Variants in GFRA2 observed in about 807,000 individuals in gnomAD.
GFRA2 encodes GDNF family receptor alpha-2.
Under a neutral mutation model 48.3 loss-of-function variants are expected in GFRA2, and 17 were observed. The observed-to-expected ratio is 0.35, with a 90% CI of 0.24 to 0.53. The LOEUF (loss-of-function observed/expected upper bound fraction) is 0.53. GFRA2 is among the 20% of genes least tolerant of loss of function. The pLI, the probability that GFRA2 is intolerant of heterozygous loss-of-function variation, is 0.93. For synonymous variants in GFRA2, 305 were observed against 257.2 expected (o/e 1.19, Z -1.78); for missense variants, 660 against 637.3 (o/e 1.04, Z -0.38).
upstream of GFRA2, among the ~76,000 whole-genome samples, chr8:21,793,303 C>T (rs956815748): frequency 6.6e-6 from 1 of 152,008 alleles, no homozygotes; most frequent in Admixed American, 6.6e-5. Context: ...GGGATGGAGA[C>T]CAGGGGCCAA....
chr8:21,777,150 T>G (rs1806746336), intron 2 of GFRA2, among the ~76,000 whole-genome samples: 2 of 152,164 alleles, frequency 1.3e-5, no homozygotes, highest in Admixed American at 6.5e-5. Flanking sequence ...GTCACACAGC[T>G]AACAAGCGAC....
At chr8:21,693,740 T>C (rs996157785) in intron 8 of GFRA2, among the ~76,000 whole-genome samples, 2 of 4,152 alleles carry the variant, frequency 4.8e-4, no homozygotes, top group African/African-American at 2.5e-3. Context: ...TATAAAGAGC[T>C]GAAGAAGGAG....
chr8:21,811,716 T>C (rs977200869), intron 1 of GFRA2, among the ~76,000 whole-genome samples: 1 of 151,930 alleles, frequency 6.6e-6, no homozygotes, highest in Non-Finnish European at 1.5e-5. Flanking sequence ...TGCAAGTGAA[T>C]GGAGATCTGC....
intron 4 of GFRA2, among the ~76,000 whole-genome samples, chr8:21,732,381 C>T (rs1292268960): frequency 6.6e-6 from 1 of 152,226 alleles, no homozygotes; most frequent in South Asian, 2.1e-4. Flanking sequence ...GGCCACTGTC[C>T]TATGGCCCAG....
chr8:21,762,385 G>A (rs1805958574), intron 3 of GFRA2, among the ~76,000 whole-genome samples: 1 of 152,158 alleles, frequency 6.6e-6, no homozygotes, highest in Non-Finnish European at 1.5e-5. Context: ...CTACTGCTCT[G>A]TAGGTCAGGG....
At chr8:21,763,293 G>A (rs1315324407) in intron 3 of GFRA2, among the ~76,000 whole-genome samples, 1 of 151,996 alleles carries the variant, frequency 6.6e-6, no homozygotes, top group Non-Finnish European at 1.5e-5. Context: ...GTGGCTATTG[G>A]GCAGCTCATG....
chr8:21,690,944 A>G lies in GFRA2; in HGVS notation c.*2334T>C, dbSNP rs1184682741. On this transcript the variant is annotated 3_prime_UTR_variant, in exon 9 of 9. Coordinates refer to ENST00000524240, the MANE Select transcript of GFRA2 (RefSeq NM_001495.5). ...GAACACGGATTCCTAAGTGGATGCC[A>G]TGACCACGTCTACCCGCAATGGCTG... 2.0e-5 allele frequency: 3 copies of G among 152,228 alleles called. No individual in the cohort carries two copies. The highest frequency in any genetic ancestry group is 2.9e-5 in the Non-Finnish European group (2 of 68,048). The allele number at this position is 152,228 out of a possible 1,614,324, so 9.4% of individuals were successfully genotyped here.
intron 8 of GFRA2, among the ~76,000 whole-genome samples, chr8:21,694,213 A>T (rs1802043639): frequency 1.3e-5 from 2 of 151,456 alleles, no homozygotes; most frequent in South Asian, 4.2e-4. Context: ...GAGAGTAAGG[A>T]AGGCATGGGA....
intron 3 of GFRA2, 65 bp downstream of exon 3, chr8:21,774,907 G>A (rs1806620521): frequency 1.4e-5 from 12 of 877,926 alleles, no homozygotes; most frequent in Non-Finnish European, 1.9e-5. Flanking sequence ...CAAGCCCAGA[G>A]CTCCATCTGC....
intron 4 of GFRA2, among the ~76,000 whole-genome samples, chr8:21,738,151 CCCCCTCCCCCTCCTCA>C (rs1804567657): frequency 5.2e-5 from 3 of 57,852 alleles, no homozygotes; most frequent in African/African-American, 2.8e-4. Context: ...CCCTCCTCAT[CCCCCTCCCCCTCCTCA>C]TCCCCCTCCC....
At chr8:21,713,624 G>A (rs1158036937) in intron 4 of GFRA2, among the ~76,000 whole-genome samples, 1 of 152,000 alleles carries the variant, frequency 6.6e-6, no homozygotes. Flanking sequence ...ACTTTCTATA[G>A]GTCACTGGTT....
chr8:21,782,486 G>A (rs76907330), intron 2 of GFRA2, 99 bp downstream of exon 2: 12 of 907,930 alleles, frequency 1.3e-5, no homozygotes, highest in South Asian at 3.3e-5. Flanking sequence ...GCCAGTTTGC[G>A]CCACCACCTA....
At position 21,781,870 on chromosome 8, in the gene GFRA2, G is replaced by A. The variant is rs1432167887; in HGVS notation, c.355+715C>T. 3.9e-5 allele frequency among the ~76,000 whole-genome samples: 6 copies of A among 152,258 alleles called. No homozygotes were observed. In the East Asian group the frequency reaches 7.7e-4, roughly 20 times the overall value. On this transcript the variant is annotated intron_variant, in intron 2 of 8. Coordinates refer to ENST00000524240, the MANE Select transcript of GFRA2 (RefSeq NM_001495.5). ...GGGGATGTGAAGGTGTGTTATTGGC[G>A]GGGGGACTTATAGGTTCTACTTTGT... is the stretch of plus-strand genomic sequence containing the variant.
intron 4 of GFRA2, among the ~76,000 whole-genome samples, chr8:21,729,378 G>GT (rs914415641): frequency 3.3e-5 from 5 of 152,098 alleles, no homozygotes; most frequent in African/African-American, 1.2e-4. Context: ...TGGGACCTGA[G>GT]TATTACAGGG....
intron 3 of GFRA2, among the ~76,000 whole-genome samples, chr8:21,756,373 C>G (rs117570215): frequency 0.015 from 2,274 of 152,324 alleles, 24 homozygotes; most frequent in Non-Finnish European, 0.024. Context: ...CCAGCAGGAA[C>G]CGGGTTTGAG....
intron 3 of GFRA2, among the ~76,000 whole-genome samples, chr8:21,753,346 G>A (rs1230756607): frequency 2.6e-5 from 4 of 152,194 alleles, no homozygotes; most frequent in African/African-American, 4.8e-5. Flanking sequence ...GGTGGTTCAC[G>A]CCTGTAATCC....
chr8:21,769,902 G>A (rs1198833889), intron 3 of GFRA2, among the ~76,000 whole-genome samples: 2 of 152,180 alleles, frequency 1.3e-5, no homozygotes, highest in South Asian at 2.1e-4. Context: ...GACCACAGGA[G>A]CATCCAATGA....
intron 4 of GFRA2, among the ~76,000 whole-genome samples, chr8:21,731,494 T>G: frequency 6.6e-6 from 1 of 152,138 alleles, no homozygotes; most frequent in East Asian, 1.9e-4. Context: ...TTTTTTAATC[T>G]AAAAGGGCTC....
At position 21,750,673 on chromosome 8, in the gene GFRA2, T is replaced by C. The variant is rs1250340469; in HGVS notation, c.709A>G (p.Ile237Val). 2.5e-6 allele frequency: 4 copies of C among 1,613,522 alleles called. No individual in the cohort carries two copies. The highest frequency in any genetic ancestry group is 3.4e-6 in the Non-Finnish European group (4 of 1,179,744). ...QACAERRRQT[I>V]LPSCSYEDKE... ...TCCTCATAGGAGCAGCTGGGCAGGA[T>C]GGTTTGCCGGCGGCGCTCAGCGCAC... is the stretch of plus-strand genomic sequence containing the variant. The change falls in exon 4 of 9, where the codon ATC becomes GTC. Residue 237 changes from isoleucine to valine, a missense_variant. Ile to Val is a conservative substitution (Grantham distance 29, BLOSUM62 3). Coordinates refer to ENST00000524240, the MANE Select transcript of GFRA2 (RefSeq NM_001495.5). The surrounding 1 kb of genome is among the most constrained non-coding windows in gnomAD (Gnocchi z 5.7).
Sources: allele counts gnomAD v4.1 joint callset (sites outside exome capture counted in the v4.1 genomes callset), GRCh38; gene constraint gnomAD v4.1.1; non-coding constraint Gnocchi (gnomAD v3.1); transcripts MANE v1.5; gene names NCBI Gene and HGNC (gene_info 2026-07-23, HGNC 2026-07-21).